The following PLEKHA2 variants were observed in gnomAD, a reference collection of about 807,000 sequenced individuals.
PLEKHA2 encodes pleckstrin homology domain containing A2, also known as pleckstrin homology domain-containing family A member 2.
In PLEKHA2, 28 loss-of-function variants were observed where a neutral mutation model predicts 53.2. The ratio of observed to expected loss-of-function variants is 0.53; its 90% CI spans 0.39 to 0.72. The LOEUF is 0.72. Ranked by LOEUF, PLEKHA2 falls within the 30% of genes least tolerant of loss-of-function variation. PLEKHA2 has a pLI of 0.00. For synonymous variants in PLEKHA2, 193 were observed against 196.4 expected, an observed-to-expected ratio of 0.98 and a Z score of 0.14; for missense variants, 426 against 537.9, an observed-to-expected ratio of 0.79 and a Z score of 2.06.
At chr8:38,930,394 G>C (rs1834370017) in intron 2 of PLEKHA2, among the ~76,000 whole-genome samples, 1 of 151,992 alleles carries the variant, frequency 6.6e-6, no homozygotes, top group African/African-American at 2.4e-5. Flanking sequence ...AGTAGAGAAG[G>C]GGTTTCACCA....
At chr8:38,968,289 TTG>T (rs1200072279) in intron 10 of PLEKHA2, among the ~76,000 whole-genome samples, 1 of 152,162 alleles carries the variant, frequency 6.6e-6, no homozygotes, top group Non-Finnish European at 1.5e-5. Context: ...ACTGGATCAG[TTG>T]TTTTCTGGAG....
chr8:38,917,955 G>T lies in PLEKHA2; in HGVS notation c.26G>T (p.Arg9Leu). 1 of 1,613,650 alleles carries T rather than the reference G, an allele frequency of 6.2e-7. No homozygotes were observed. Among genetic ancestry groups the T allele is most frequent in the Non-Finnish European group, 8.5e-7 (1 of 1,179,684 alleles). Reference sequence around the variant, plus strand: ...ATGCCTTATGTGGATCGGCAGAACCGAATCTGTGGGTTTCTGGACATCGAG... The same window carrying T: ...ATGCCTTATGTGGATCGGCAGAACCTAATCTGTGGGTTTCTGGACATCGAG... MPYVDRQNRICGFLDIEEH... is the reference protein window; with the variant it reads MPYVDRQNLICGFLDIEEH... Residue 9 changes from arginine (R) to leucine (L), a missense_variant, in exon 2 of 12, where the codon CGA (arginine) becomes CTA (leucine). Coordinates refer to ENST00000617275, the MANE Select transcript of PLEKHA2 (RefSeq NM_021623.2).
intron 1 of PLEKHA2, among the ~76,000 whole-genome samples, chr8:38,904,120 G>A (rs949772849): frequency 1.3e-5 from 2 of 152,208 alleles, no homozygotes; most frequent in Non-Finnish European, 2.9e-5. Flanking sequence ...GCAGCTGAGA[G>A]GTGGGAGGGA....
chr8:38,961,247 T>C (rs2129424005), intron 10 of PLEKHA2, among the ~76,000 whole-genome samples: 1 of 152,258 alleles, frequency 6.6e-6, no homozygotes, highest in African/African-American at 2.4e-5. Context: ...AAGTAAAAAT[T>C]GTGTTTTAGG....
intron 5 of PLEKHA2, among the ~76,000 whole-genome samples, chr8:38,948,446 T>A (rs1480158238): frequency 6.6e-6 from 1 of 152,204 alleles, no homozygotes; most frequent in East Asian, 1.9e-4. Context: ...TGGCACTGAA[T>A]GGTGGCCCAG....
intron 1 of PLEKHA2, among the ~76,000 whole-genome samples, chr8:38,905,139 T>A (rs570356256): frequency 2.0e-4 from 30 of 152,222 alleles, no homozygotes; most frequent in Non-Finnish European, 3.5e-4. Context: ...TGAATGGTCA[T>A]CTTCTTGCAA....
chr8:38,935,369 T>A (rs1834474372), intron 2 of PLEKHA2, among the ~76,000 whole-genome samples: 1 of 152,130 alleles, frequency 6.6e-6, no homozygotes, highest in Non-Finnish European at 1.5e-5. Flanking sequence ...ATTATCCCTA[T>A]TTTACAGAAG....
chr8:38,933,826 GA>G (rs921429815), intron 2 of PLEKHA2, among the ~76,000 whole-genome samples: 19 of 102,948 alleles, frequency 1.8e-4, no homozygotes, highest in African/African-American at 5.0e-4. Context: ...CTATGTGGTT[GA>G]AAAAAAATGT....
chr8:38,929,574 A>G (rs1350881241), intron 2 of PLEKHA2, among the ~76,000 whole-genome samples: 1 of 152,106 alleles, frequency 6.6e-6, no homozygotes, highest in African/African-American at 2.4e-5. Flanking sequence ...AGGTTCCTTC[A>G]CCTGCCCCAT....
intron 10 of PLEKHA2, among the ~76,000 whole-genome samples, chr8:38,964,168 C>T (rs140775388): frequency 4.1e-4 from 63 of 152,138 alleles, no homozygotes; most frequent in Admixed American, 7.2e-4. Flanking sequence ...TTCCTAAATA[C>T]GAAAAAAGCT....
Position 38,969,954 on chromosome 8 carries a change from T to A in PLEKHA2, c.*171T>A. On this transcript the variant is annotated 3_prime_UTR_variant, in exon 12 of 12. Coordinates refer to ENST00000617275, the MANE Select transcript of PLEKHA2 (RefSeq NM_021623.2). ...CATCCAGCTGGGCTGTGTGTGTGTG[T>A]GTGTGTGTGTGTGTGTGTGTGTGTA... The A allele has an allele frequency of 1.4e-6, 1 of 720,800 alleles. No homozygotes were observed. The allele number at this position is 720,800 out of a possible 1,614,324, so 44.7% of individuals were successfully genotyped here.
At chr8:38,906,237 A>T (rs1833871656) in intron 1 of PLEKHA2, among the ~76,000 whole-genome samples, 1 of 152,224 alleles carries the variant, frequency 6.6e-6, no homozygotes, top group South Asian at 2.1e-4. Context: ...AGATGGTCTG[A>T]TGAGCCTTCA....
Position 38,950,917 on chromosome 8 carries a change from T to C in PLEKHA2, c.413T>C (p.Leu138Pro). 7 of 1,613,884 alleles carry C rather than the reference T, an allele frequency of 4.3e-6. No homozygotes were observed. The highest frequency in any genetic ancestry group is 5.1e-6 in the Non-Finnish European group (6 of 1,179,862). ...VLKSLAAPPA[L>P]EKKPQVAYKT... The stretch of plus-strand genomic sequence containing the variant: ...AAGAGCTTAGCAGCTCCTCCAGCCC[T>C]GGAGAAGAAGCCACAGGTGGCCTAC... Residue 138 changes from leucine (L) to proline (P), a missense_variant, in exon 6 of 12, where the codon CTG becomes CCG. Transcript: ENST00000617275.
intron 1 of PLEKHA2, among the ~76,000 whole-genome samples, chr8:38,912,555 C>T (rs952117161): frequency 2.0e-5 from 3 of 152,122 alleles, no homozygotes; most frequent in Non-Finnish European, 4.4e-5. Flanking sequence ...TCCACACAGG[C>T]CTCTGTGAAG....
chr8:38,952,735 G>T, intron 8 of PLEKHA2, 31 bp downstream of exon 8: 1 of 1,598,086 alleles, frequency 6.3e-7, no homozygotes. Flanking sequence ...CCTTCTGAGA[G>T]GTCATGGAAA....
At chr8:38,904,484 C>T (rs1042859058) in intron 1 of PLEKHA2, among the ~76,000 whole-genome samples, 1 of 152,180 alleles carries the variant, frequency 6.6e-6, no homozygotes, top group East Asian at 1.9e-4. Context: ...TTTGGCTGGC[C>T]CCTTGCAAAG....
intron 1 of PLEKHA2, among the ~76,000 whole-genome samples, chr8:38,910,618 A>G (rs1036938033): frequency 1.3e-5 from 2 of 152,244 alleles, no homozygotes; most frequent in Non-Finnish European, 2.9e-5. Context: ...ATCTTTTTAG[A>G]AAACAATTTT....
chr8:38,953,743 C>T (rs920537262), intron 9 of PLEKHA2, among the ~76,000 whole-genome samples: 1 of 152,214 alleles, frequency 6.6e-6, no homozygotes, highest in African/African-American at 2.4e-5. Context: ...GGTCACTCAC[C>T]TCAGTGCTTC....
In PLEKHA2 at chr8:38,950,921, G is replaced by T. The variant is rs1280950513; in HGVS notation, c.417G>T (p.Glu139Asp). Reference protein sequence around the residue: ...LKSLAAPPALEKKPQVAYKTE... With the variant: ...LKSLAAPPALDKKPQVAYKTE... ...GCTTAGCAGCTCCTCCAGCCCTGGA[G>T]AAGAAGCCACAGGTGGCCTACAAGA... Residue 139 changes from glutamate (E) to aspartate (D), a missense_variant, in exon 6 of 12, where the codon GAG becomes GAT. Coordinates refer to ENST00000617275, the MANE Select transcript of PLEKHA2 (RefSeq NM_021623.2). The T allele has an allele frequency of 6.2e-7, 1 of 1,614,026 alleles. No individual in the cohort carries two copies. Among genetic ancestry groups the T allele is most frequent in the African/African-American group, 1.3e-5 (1 of 75,060 alleles).
Sources: gnomAD v4.1 joint callset for allele counts (sites outside exome capture counted in the v4.1 genomes callset) on GRCh38, gnomAD v4.1.1 for gene constraint, MANE v1.5 for transcripts, NCBI Gene and HGNC (gene_info 2026-07-23, HGNC 2026-07-21) for gene names.